The following ATXN1 variants were observed in gnomAD, a reference collection of about 807,000 sequenced individuals.
ATXN1 encodes ataxin 1.
A neutral mutation model predicts 56.4 loss-of-function variants in ATXN1; 8 were observed. The observed-to-expected ratio is 0.14, with a 90% CI of 0.08 to 0.26. ATXN1 has a LOEUF of 0.26. ATXN1 is among the 10% of genes least tolerant of loss of function. The probability of loss-of-function intolerance (pLI) is 1.00; values close to 1 mark genes in which losing one functional copy is unlikely to be tolerated. For synonymous variants in ATXN1, 514 were observed against 494.6 expected (o/e 1.04, Z -0.52); for missense variants, 987 against 1,106.5 (o/e 0.89, Z 1.53).
chr6:16,429,521 G>A (rs1273066908), intron 6 of ATXN1, among the ~76,000 whole-genome samples: 3 of 148,938 alleles, frequency 2.0e-5, no homozygotes. Context: ...AGGTTCAAGT[G>A]ATTCTCATGC....
intron 3 of ATXN1, among the ~76,000 whole-genome samples, chr6:16,592,805 G>C (rs1306236137): frequency 7.8e-6 from 1 of 128,548 alleles, no homozygotes; most frequent in East Asian, 2.5e-4. Context: ...CATAAAGAGT[G>C]AAAGAACAAA....
chr6:16,509,303 C>T (rs1347325505), intron 5 of ATXN1, among the ~76,000 whole-genome samples: 1 of 152,200 alleles, frequency 6.6e-6, no homozygotes, highest in Admixed American at 6.5e-5. Context: ...AGGTTTCTTA[C>T]CTGGCCTCCC....
At chr6:16,601,625 C>T (rs551660111) in intron 3 of ATXN1, among the ~76,000 whole-genome samples, 12 of 152,194 alleles carry the variant, frequency 7.9e-5, no homozygotes, top group South Asian at 2.1e-4. Flanking sequence ...CCGAGGCGGG[C>T]GGACCATGAG....
At chr6:16,713,283 A>G (rs547052956) in intron 2 of ATXN1, among the ~76,000 whole-genome samples, 1 of 152,298 alleles carries the variant, frequency 6.6e-6, no homozygotes, top group South Asian at 2.1e-4. Context: ...CCTCTATTTC[A>G]ATTTACAAAC....
At chr6:16,555,248 C>G (rs1211159908) in intron 4 of ATXN1, among the ~76,000 whole-genome samples, 1 of 152,202 alleles carries the variant, frequency 6.6e-6, no homozygotes, top group Non-Finnish European at 1.5e-5. Flanking sequence ...CTGTGCTCCA[C>G]TTACAAACAC....
At chr6:16,313,005 G>A (rs1450066143) in intron 7 of ATXN1, among the ~76,000 whole-genome samples, 2 of 152,152 alleles carry the variant, frequency 1.3e-5, no homozygotes, top group Admixed American at 6.5e-5. Flanking sequence ...AGCCTCCTGA[G>A]TAGCTGGGAC....
intron 7 of ATXN1, among the ~76,000 whole-genome samples, chr6:16,309,812 T>C (rs1760346851): frequency 1.3e-5 from 2 of 152,060 alleles, no homozygotes; most frequent in African/African-American, 2.4e-5. Flanking sequence ...GGTGGGTGGA[T>C]TACCTGAGGT....
At chr6:16,363,655 C>T (rs945070993) in intron 6 of ATXN1, among the ~76,000 whole-genome samples, 2 of 152,190 alleles carry the variant, frequency 1.3e-5, no homozygotes, top group Non-Finnish European at 2.9e-5. Context: ...GCATGGCTCC[C>T]ACCCGTACCG....
chr6:16,587,460 C>T (rs1270792672), intron 3 of ATXN1, among the ~76,000 whole-genome samples: 1 of 152,204 alleles, frequency 6.6e-6, no homozygotes, highest in African/African-American at 2.4e-5. Context: ...ATCACTGCAA[C>T]ACAAAATGGA....
At chr6:16,382,506 T>C (rs977428636) in intron 6 of ATXN1, among the ~76,000 whole-genome samples, 4 of 152,150 alleles carry the variant, frequency 2.6e-5, no homozygotes, top group South Asian at 2.1e-4. Flanking sequence ...TTTGCTTTTT[T>C]AGAAATAAGA....
intron 2 of ATXN1, among the ~76,000 whole-genome samples, chr6:16,665,512 A>T (rs1477253657): frequency 2.3e-5 from 3 of 130,938 alleles, no homozygotes; most frequent in African/African-American, 5.9e-5. Context: ...AATAATCTTG[A>T]TCTTACAGAT....
intron 3 of ATXN1, among the ~76,000 whole-genome samples, chr6:16,592,359 G>T (rs745503808): frequency 6.6e-6 from 1 of 152,094 alleles, no homozygotes; most frequent in Non-Finnish European, 1.5e-5. Context: ...CCTTTGAAAA[G>T]GTGAGGGCCT....
At chr6:16,519,748 C>T (rs992048940) in intron 5 of ATXN1, among the ~76,000 whole-genome samples, 1 of 152,226 alleles carries the variant, frequency 6.6e-6, no homozygotes, top group Admixed American at 6.5e-5. Flanking sequence ...ATTGCTAAGA[C>T]AGGCAGGTGC....
chr6:16,458,921 T>A (rs1759935808), intron 6 of ATXN1, among the ~76,000 whole-genome samples: 1 of 152,222 alleles, frequency 6.6e-6, no homozygotes, highest in African/African-American at 2.4e-5. Flanking sequence ...CACTGAGCCC[T>A]GGGCAAGTTT....
At chr6:16,323,882 A>T (rs1385057822) in intron 7 of ATXN1, among the ~76,000 whole-genome samples, 4 of 152,050 alleles carry the variant, frequency 2.6e-5, no homozygotes, top group Non-Finnish European at 1.5e-5. Context: ...GCCACTACAG[A>T]GGGGTAGTGA....
chr6:16,402,912 A>C (rs1758607687), intron 6 of ATXN1, among the ~76,000 whole-genome samples: 1 of 152,186 alleles, frequency 6.6e-6, no homozygotes, highest in South Asian at 2.1e-4. Flanking sequence ...AACTCCACAG[A>C]AAAAATTCAC....
chr6:16,580,836 A>T (rs1289457018), intron 4 of ATXN1, among the ~76,000 whole-genome samples: 5 of 152,208 alleles, frequency 3.3e-5, no homozygotes. Context: ...AAATGTCTCA[A>T]AATAATGCCT....
At chr6:16,423,523 G>A (rs1225015025) in intron 6 of ATXN1, among the ~76,000 whole-genome samples, 1 of 152,162 alleles carries the variant, frequency 6.6e-6, no homozygotes, top group Non-Finnish European at 1.5e-5. Flanking sequence ...GGGATTTGGG[G>A]TTTTAGGGGC....
intron 6 of ATXN1, among the ~76,000 whole-genome samples, chr6:16,480,311 C>G (rs935816497): frequency 1.3e-5 from 2 of 152,094 alleles, no homozygotes; most frequent in Non-Finnish European, 2.9e-5. Flanking sequence ...TCTCACATGC[C>G]CAGACACAGA....
Sources: gnomAD v4.1 joint callset for allele counts (sites outside exome capture counted in the v4.1 genomes callset) on GRCh38, gnomAD v4.1.1 for gene constraint, MANE v1.5 for transcripts, NCBI Gene and HGNC (gene_info 2026-07-23, HGNC 2026-07-21) for gene names.